The following RSPH14 variants were observed in gnomAD, a reference collection of about 807,000 sequenced individuals.
RSPH14 encodes the protein rhabdoid tumor deletion region gene 1.
RSPH14 carries 20 observed loss-of-function variants against 26.7 expected under a neutral mutation model. The observed-to-expected ratio is 0.75, with a 90% confidence interval of 0.53 to 1.09. The LOEUF is 1.09. RSPH14 is among the 50% of genes least tolerant of loss of function. The pLI, the probability that RSPH14 is intolerant of heterozygous loss-of-function variation, is 0.00. For synonymous variants in RSPH14, 177 were observed against 189.3 expected, an observed-to-expected ratio of 0.93 and a Z score of 0.53; for missense variants, 449 against 457.2, an observed-to-expected ratio of 0.98 and a Z score of 0.16.
chr22:23,134,216 G>A, intron 3 of RSPH14, 72 bp from the exon 4 acceptor site: 1 of 1,151,262 alleles, frequency 8.7e-7, no homozygotes, highest in East Asian at 2.5e-5. Flanking sequence ...AAGAGTCAGG[G>A]TCCCTGCTGG....
intron 4 of RSPH14, among the ~76,000 whole-genome samples, chr22:23,089,169 A>T (rs2068893514): frequency 6.6e-6 from 1 of 152,170 alleles, no homozygotes; most frequent in East Asian, 1.9e-4. Flanking sequence ...AGGCACAGTG[A>T]TGAGGGAGCT....
At chr22:23,091,623 G>T (rs748951983) in intron 4 of RSPH14, among the ~76,000 whole-genome samples, 13 of 147,612 alleles carry the variant, frequency 8.8e-5, no homozygotes, top group African/African-American at 3.3e-4. Context: ...CATATGCACC[G>T]CAATGGACCT....
chr22:23,085,938 C>G (rs2068806725), intron 4 of RSPH14, among the ~76,000 whole-genome samples: 1 of 152,252 alleles, frequency 6.6e-6, no homozygotes, highest in South Asian at 2.1e-4. Context: ...CAACGTGGCT[C>G]TCACACCCTC....
chr22:23,164,365 T>A, the RSPH14 span: 2 of 152,418 alleles, frequency 1.3e-5, no homozygotes, highest in East Asian at 3.9e-4. Flanking sequence ...ATGTGCCAGC[T>A]GATTCCCACA....
At chr22:23,065,726 G>C (rs1010063840) in intron 4 of RSPH14, among the ~76,000 whole-genome samples, 1 of 152,108 alleles carries the variant, frequency 6.6e-6, no homozygotes, top group African/African-American at 2.4e-5. Context: ...ATCCATGTAA[G>C]GGTCTGTCCC....
At chr22:23,163,606 G>GCCCCCCCCCCCCCCCCCCCC in the RSPH14 span, 8 of 125,232 alleles carry the variant, frequency 6.4e-5, 2 homozygotes, top group Non-Finnish European at 1.4e-4. Context: ...CAAGGTGAAA[G>GCCCCCCCCCCCCCCCCCCCC]CCCCCCCCCC....
chr22:23,060,072 A>C (rs192418291), intron 6 of RSPH14, among the ~76,000 whole-genome samples: 131 of 152,314 alleles, frequency 8.6e-4, no homozygotes, highest in African/African-American at 2.9e-3. Flanking sequence ...CCAGCTACTC[A>C]GGAGACTGAG....
intron 4 of RSPH14, among the ~76,000 whole-genome samples, chr22:23,120,049 C>G (rs942428779): frequency 3.3e-5 from 5 of 152,180 alleles, no homozygotes; most frequent in Non-Finnish European, 7.3e-5. Flanking sequence ...AGATGTTTGT[C>G]TGTCCTGATG....
the RSPH14 span, among the ~76,000 whole-genome samples, chr22:23,169,450 G>A: frequency 1.3e-5 from 2 of 152,238 alleles, no homozygotes; most frequent in African/African-American, 4.8e-5. Context: ...CGCGGAAAAG[G>A]AGCAAGAAAG....
intron 2 of RSPH14, among the ~76,000 whole-genome samples, chr22:23,139,589 T>C (rs1444850730): frequency 1.3e-5 from 2 of 152,232 alleles, no homozygotes; most frequent in Non-Finnish European, 2.9e-5. Context: ...CCATTGCACT[T>C]CAGCCTGGGC....
the RSPH14 span, among the ~76,000 whole-genome samples, chr22:23,165,737 C>T: frequency 6.6e-5 from 10 of 152,184 alleles, no homozygotes; most frequent in Admixed American, 6.5e-4. Context: ...TCCCAGAGTC[C>T]AAAATGGCCT....
chr22:23,161,870 T>C, the RSPH14 span: 4 of 387,416 alleles, frequency 1.0e-5, no homozygotes, highest in Non-Finnish European at 1.9e-5. Flanking sequence ...CAGTCACCTT[T>C]GGCCTCAAGA....
At chr22:23,061,726 A>AC (rs2146206634) in intron 6 of RSPH14, 83 bp downstream of exon 6, 2 of 1,547,708 alleles carry the variant, frequency 1.3e-6, no homozygotes, top group East Asian at 4.5e-5. Context: ...GGGGGACGAT[A>AC]CCCAGCCCCT....
intron 4 of RSPH14, among the ~76,000 whole-genome samples, chr22:23,067,455 A>C (rs1261342551): frequency 6.6e-6 from 1 of 152,200 alleles, no homozygotes; most frequent in Non-Finnish European, 1.5e-5. Context: ...GCACATCCAC[A>C]CATGGCATCT....
At chr22:23,114,235 C>T (rs991209266) in intron 4 of RSPH14, among the ~76,000 whole-genome samples, 3 of 152,236 alleles carry the variant, frequency 2.0e-5, no homozygotes, top group African/African-American at 7.2e-5. Context: ...CGCCCCACAG[C>T]TCTGCTCTCG....
the RSPH14 span, among the ~76,000 whole-genome samples, chr22:23,157,466 A>G: frequency 4.6e-5 from 7 of 151,982 alleles, no homozygotes; most frequent in Non-Finnish European, 1.0e-4. Context: ...TCACTGTGTT[A>G]GCCAGGATGG....
chr22:23,161,644 C>T, the RSPH14 span: 38 of 1,259,106 alleles, frequency 3.0e-5, 1 homozygote, highest in South Asian at 4.4e-4. Context: ...GAGACTGGAG[C>T]CCAAGCTCTG....
At chr22:23,129,986 AAGAG>A (rs1286582688) in intron 4 of RSPH14, among the ~76,000 whole-genome samples, 1 of 150,176 alleles carries the variant, frequency 6.7e-6, no homozygotes, top group East Asian at 1.9e-4. Context: ...GAAAGAGACA[AAGAG>A]AGAAAGAGAA....
chr22:23,162,012 T>A, the RSPH14 span: 6 of 171,874 alleles, frequency 3.5e-5, no homozygotes, highest in Non-Finnish European at 7.5e-5. Context: ...CCAGGCAACC[T>A]GGACTTGTCA....
Sources: allele counts gnomAD v4.1 joint callset (sites outside exome capture counted in the v4.1 genomes callset), GRCh38; gene constraint gnomAD v4.1.1; transcripts MANE v1.5; gene names NCBI Gene and HGNC (gene_info 2026-07-23, HGNC 2026-07-21).